Variants in NHSL1 observed in about 807,000 individuals in gnomAD.
The protein encoded by NHSL1 is NHS like 1, also known as NHS-like protein 1.
In NHSL1, 48 loss-of-function variants were observed where a neutral mutation model predicts 95.0. The ratio of observed to expected loss-of-function variants is 0.51; its 90% confidence interval spans 0.40 to 0.64. The LOEUF is 0.64. Among genes scored for constraint, NHSL1 ranks in the 30% least tolerant of loss-of-function variants. The pLI, the probability that NHSL1 is intolerant of heterozygous loss-of-function variation, is 0.00. For synonymous variants in NHSL1, 783 were observed against 833.9 expected, an observed-to-expected ratio of 0.94 and a Z score of 1.05; for missense variants, 1,971 against 2,077.7, an observed-to-expected ratio of 0.95 and a Z score of 1.00.
chr6:138,614,878 T>C (rs866779507), intron 1 of NHSL1, among the ~76,000 whole-genome samples: 2 of 152,272 alleles, frequency 1.3e-5, no homozygotes, highest in South Asian at 4.1e-4. Context: ...TAATGCCTGA[T>C]GATCTGAGTT....
In NHSL1 at chr6:138,424,466, C is replaced by T; in HGVS notation, c.4436G>A (p.Trp1479Ter). 1 of 1,551,282 alleles carries T rather than the reference C, an allele frequency of 6.4e-7. No homozygotes were observed. Among genetic ancestry groups the T allele is most frequent in the Non-Finnish European group, 8.7e-7 (1 of 1,146,670 alleles). ...PSKNRRAQEE[W>*]AKNEGLMPRS... ...AGGCATCAAGCCTTCGTTCTTGGCCCACTCCTCCTGCGCCCTTCTGTTCTT... is the reference window on the plus strand; with the variant it reads ...AGGCATCAAGCCTTCGTTCTTGGCCTACTCCTCCTGCGCCCTTCTGTTCTT... The change falls in exon 8 of 8, where the codon TGG becomes TAG. Residue 1479 changes from tryptophan to a stop codon, truncating the protein, a stop_gained. Coordinates refer to ENST00000343505, the MANE Select transcript of NHSL1 (RefSeq NM_001144060.2). LOFTEE classifies it low-confidence loss of function (END_TRUNC). This position sits in a 1 kb window ranked among gnomAD's most constrained non-coding sequence, Gnocchi z 5.9.
At chr6:138,544,529 A>G (rs1782708088) in intron 1 of NHSL1, among the ~76,000 whole-genome samples, 1 of 152,192 alleles carries the variant, frequency 6.6e-6, no homozygotes. Context: ...TTAAGATGTC[A>G]AAATAAGGTT....
chr6:138,688,076 C>G (rs1785610530), intron 1 of NHSL1, among the ~76,000 whole-genome samples: 1 of 152,072 alleles, frequency 6.6e-6, no homozygotes, highest in African/African-American at 2.4e-5. Flanking sequence ...CTCAGCCTCC[C>G]AAGTAGCTGA....
At chr6:138,448,824 G>A (rs1777034421) in intron 3 of NHSL1, among the ~76,000 whole-genome samples, 1 of 152,130 alleles carries the variant, frequency 6.6e-6, no homozygotes, top group Non-Finnish European at 1.5e-5. Context: ...AGGCCGAGGT[G>A]GGCGGATCAC....
chr6:138,478,724 A>G (rs1779240344), intron 2 of NHSL1, among the ~76,000 whole-genome samples: 1 of 152,210 alleles, frequency 6.6e-6, no homozygotes, highest in African/African-American at 2.4e-5. Flanking sequence ...GTTCACACAT[A>G]TTCTTCTTGC....
At chr6:138,560,567 G>T (rs973728913) in intron 1 of NHSL1, among the ~76,000 whole-genome samples, 1 of 152,188 alleles carries the variant, frequency 6.6e-6, no homozygotes, top group African/African-American at 2.4e-5. Context: ...AGAAATCAAA[G>T]TTCTTTTTCC....
intron 1 of NHSL1, among the ~76,000 whole-genome samples, chr6:138,657,814 C>CAAAAAAAAAAAAAAA (rs1051789759): frequency 7.0e-4 from 23 of 32,890 alleles, no homozygotes; most frequent in Non-Finnish European, 8.7e-4. Flanking sequence ...GACTCCATCT[C>CAAAAAAAAAAAAAAA]AAAAAAAAAA....
At chr6:138,581,081 A>C (rs1250545134) in intron 1 of NHSL1, among the ~76,000 whole-genome samples, 1 of 152,224 alleles carries the variant, frequency 6.6e-6, no homozygotes, top group Non-Finnish European at 1.5e-5. Context: ...CTTTGATTTC[A>C]GATTTCTGGC....
chr6:138,637,791 T>G (rs1056544587), intron 1 of NHSL1, among the ~76,000 whole-genome samples: 3 of 152,176 alleles, frequency 2.0e-5, no homozygotes, highest in Non-Finnish European at 4.4e-5. Context: ...TGTAAATTAG[T>G]ACAACCACTA....
intron 1 of NHSL1, among the ~76,000 whole-genome samples, chr6:138,516,435 C>T (rs140802163): frequency 2.6e-5 from 4 of 152,282 alleles, no homozygotes; most frequent in African/African-American, 4.8e-5. Context: ...TGCAACTGAA[C>T]GTGCCTGAGA....
intron 1 of NHSL1, among the ~76,000 whole-genome samples, chr6:138,506,943 A>G (rs998936903): frequency 6.6e-6 from 1 of 152,228 alleles, no homozygotes; most frequent in East Asian, 1.9e-4. Context: ...AAACAACCCA[A>G]AAGATGAATT....
At chr6:138,590,073 C>T (rs1216304636) in intron 1 of NHSL1, among the ~76,000 whole-genome samples, 1 of 152,244 alleles carries the variant, frequency 6.6e-6, no homozygotes, top group East Asian at 1.9e-4. Context: ...TCTCGGCTCA[C>T]TGCAACCTCT....
chr6:138,553,173 T>C (rs539615817), intron 1 of NHSL1, among the ~76,000 whole-genome samples: 1 of 152,190 alleles, frequency 6.6e-6, no homozygotes, highest in Non-Finnish European at 1.5e-5. Flanking sequence ...GTACTCAGTA[T>C]TTTTTTCCAA....
chr6:138,462,281 G>A (rs1472816624), intron 3 of NHSL1, among the ~76,000 whole-genome samples: 1 of 152,172 alleles, frequency 6.6e-6, no homozygotes, highest in African/African-American at 2.4e-5. Flanking sequence ...GTCAAAACAT[G>A]GTGGAGATGA....
intron 1 of NHSL1, among the ~76,000 whole-genome samples, chr6:138,600,969 T>C (rs899331035): frequency 6.6e-6 from 1 of 152,240 alleles, no homozygotes; most frequent in African/African-American, 2.4e-5. Flanking sequence ...GTGTAAATCA[T>C]TTGAAAGTAT....
intron 1 of NHSL1, among the ~76,000 whole-genome samples, chr6:138,642,995 G>A (rs567403991): frequency 6.6e-6 from 1 of 152,228 alleles, no homozygotes; most frequent in East Asian, 1.9e-4. Flanking sequence ...TCAAAAGGCT[G>A]GTGTTTTAAG....
At chr6:138,606,173 CCACA>C (rs1177317719) in intron 1 of NHSL1, among the ~76,000 whole-genome samples, 1 of 152,158 alleles carries the variant, frequency 6.6e-6, no homozygotes, top group Non-Finnish European at 1.5e-5. Context: ...AAATCACAAC[CCACA>C]CAGGCTCCTC....
chr6:138,584,091 C>A (rs566495563), intron 1 of NHSL1, among the ~76,000 whole-genome samples: 1 of 152,206 alleles, frequency 6.6e-6, no homozygotes, highest in South Asian at 2.1e-4. Context: ...TGCACTCCAG[C>A]CTGGGCAACA....
At chr6:138,479,676 G>A (rs1779298533) in intron 2 of NHSL1, among the ~76,000 whole-genome samples, 1 of 152,198 alleles carries the variant, frequency 6.6e-6, no homozygotes, top group African/African-American at 2.4e-5. Context: ...CTGAAACTAT[G>A]GAAAGTGAAA....
Sources: allele counts gnomAD v4.1 joint callset (sites outside exome capture counted in the v4.1 genomes callset), GRCh38; gene constraint gnomAD v4.1.1; non-coding constraint Gnocchi (gnomAD v3.1); transcripts MANE v1.5; gene names NCBI Gene and HGNC (gene_info 2026-07-23, HGNC 2026-07-21).